FRMD5: variants seen among roughly 807,000 people sequenced by gnomAD.
FRMD5 encodes FERM domain-containing protein 5.
FRMD5 carries 20 observed loss-of-function variants against 69.0 expected under a neutral mutation model. That is an observed-to-expected ratio of 0.29 (90% CI 0.20 to 0.42). The LOEUF (loss-of-function observed/expected upper bound fraction) is 0.42, where lower values mean the gene tolerates loss of function less well. Ranked by LOEUF, FRMD5 falls within the 10% of genes least tolerant of loss-of-function variation. FRMD5 has a pLI of 1.00. For synonymous variants in FRMD5, 271 were observed against 260.1 expected, an observed-to-expected ratio of 1.04 and a Z score of -0.40; for missense variants, 595 against 708.6, an observed-to-expected ratio of 0.84 and a Z score of 1.82.
At position 44,031,794 on chromosome 15, in the gene FRMD5, T is replaced by G. The variant is rs77947931; in HGVS notation, c.103-107485A>C. ...ATCTTATCCTTACATCTGCCTTAAC[T>G]TTAAGATTACTTGAACGTTAGAGAA... On this transcript the variant is annotated intron_variant, in intron 1 of 13. Coordinates refer to ENST00000417257, the MANE Select transcript of FRMD5 (RefSeq NM_032892.5). 2.3e-3 allele frequency among the ~76,000 whole-genome samples: 349 copies of G among 152,298 alleles called. 7 individuals carry two copies. The East Asian group carries it at 0.059, about 26-fold the overall frequency.
chr15:43,906,528 C>T (rs986692995), intron 5 of FRMD5, among the ~76,000 whole-genome samples: 7 of 152,106 alleles, frequency 4.6e-5, no homozygotes, highest in African/African-American at 1.2e-4. Flanking sequence ...CAGGTTCCTT[C>T]GAGAGGCCTA....
At chr15:43,887,584 C>A (rs2088693533) in intron 10 of FRMD5, among the ~76,000 whole-genome samples, 1 of 152,186 alleles carries the variant, frequency 6.6e-6, no homozygotes, top group African/African-American at 2.4e-5. Flanking sequence ...GGGGCTGTGG[C>A]CCTGGCAACT....
At chr15:44,064,255 G>A in intron 1 of FRMD5, 1 of 166,044 alleles carries the variant, frequency 6.0e-6, no homozygotes, top group Non-Finnish European at 1.3e-5. Context: ...GATCTGATCT[G>A]CTATCTAGAG....
intron 13 of FRMD5, among the ~76,000 whole-genome samples, chr15:43,880,297 C>T (rs755693609): frequency 5.9e-5 from 9 of 152,166 alleles, no homozygotes; most frequent in Non-Finnish European, 1.2e-4. Context: ...ATTTAAATGC[C>T]TCTAAATTCC....
At chr15:44,106,669 C>T (rs1321111452) in intron 1 of FRMD5, among the ~76,000 whole-genome samples, 3 of 152,090 alleles carry the variant, frequency 2.0e-5, no homozygotes, top group Admixed American at 6.6e-5. Context: ...TCTGGACTCC[C>T]GTGGTGTGTA....
intron 1 of FRMD5, among the ~76,000 whole-genome samples, chr15:43,974,606 G>A (rs556567020): frequency 2.3e-4 from 35 of 152,130 alleles, no homozygotes; most frequent in Non-Finnish European, 4.4e-4. Context: ...TATCCATTTT[G>A]GTGATTCTGG....
At chr15:43,893,441 G>A (rs1034082580) in intron 7 of FRMD5, among the ~76,000 whole-genome samples, 1 of 152,120 alleles carries the variant, frequency 6.6e-6, no homozygotes, top group South Asian at 2.1e-4. Context: ...CCTCACTTGC[G>A]AAAGTGAGCT....
At chr15:43,960,893 A>C (rs2090188361) in intron 1 of FRMD5, among the ~76,000 whole-genome samples, 1 of 152,216 alleles carries the variant, frequency 6.6e-6, no homozygotes, top group Non-Finnish European at 1.5e-5. Context: ...CTTGTATTTG[A>C]AAAAAACCTA....
At chr15:44,186,388 G>C (rs1189934238) in intron 1 of FRMD5, among the ~76,000 whole-genome samples, 1 of 152,162 alleles carries the variant, frequency 6.6e-6, no homozygotes, top group Non-Finnish European at 1.5e-5. Context: ...CCAGACTACA[G>C]GCCCTTGGGT....
At chr15:44,051,139 C>CTTTTTTTTT (rs779951038) in intron 1 of FRMD5, among the ~76,000 whole-genome samples, 2 of 78,396 alleles carry the variant, frequency 2.6e-5, no homozygotes, top group African/African-American at 1.1e-4. Context: ...CATTCAGTCA[C>CTTTTTTTTT]TTTTTTTTTT....
chr15:44,108,351 T>C, intron 1 of FRMD5, among the ~76,000 whole-genome samples: 1 of 151,600 alleles, frequency 6.6e-6, no homozygotes, highest in South Asian at 2.1e-4. Context: ...AAAATAAAAA[T>C]AAAAAAAATA....
intron 1 of FRMD5, among the ~76,000 whole-genome samples, chr15:43,932,230 G>C (rs1437144291): frequency 1.3e-5 from 2 of 152,180 alleles, no homozygotes; most frequent in African/African-American, 2.4e-5. Context: ...TGCACTCAAG[G>C]AACAGAAGCC....
At chr15:44,124,461 AG>A (rs1183279468) in intron 1 of FRMD5, among the ~76,000 whole-genome samples, 1 of 151,852 alleles carries the variant, frequency 6.6e-6, no homozygotes, top group Non-Finnish European at 1.5e-5. Flanking sequence ...GCACTTTGGG[AG>A]GCCAAGGCAG....
upstream of FRMD5, among the ~76,000 whole-genome samples, chr15:44,198,146 CAAT>C (rs564213987): frequency 2.7e-5 from 4 of 150,934 alleles, no homozygotes; most frequent in African/African-American, 7.3e-5. Flanking sequence ...CCCATAGCTA[CAAT>C]AATAATAATA....
At chr15:44,135,386 TC>T (rs1463297775) in intron 1 of FRMD5, among the ~76,000 whole-genome samples, 1 of 152,216 alleles carries the variant, frequency 6.6e-6, no homozygotes, top group East Asian at 1.9e-4. Context: ...TCCAATTTTT[TC>T]ATATTTCCTT....
chr15:44,126,424 T>A (rs577902151), intron 1 of FRMD5, among the ~76,000 whole-genome samples: 1 of 152,320 alleles, frequency 6.6e-6, no homozygotes, highest in South Asian at 2.1e-4. Context: ...TTTAAAATAA[T>A]CTAAGTTTGT....
intron 1 of FRMD5, among the ~76,000 whole-genome samples, chr15:44,146,938 G>A (rs948429853): frequency 6.6e-6 from 1 of 152,104 alleles, no homozygotes; most frequent in African/African-American, 2.4e-5. Flanking sequence ...TCTGTAGGTT[G>A]CCCATTCACT....
At chr15:44,076,488 T>A (rs1398189987) in intron 1 of FRMD5, among the ~76,000 whole-genome samples, 1 of 149,668 alleles carries the variant, frequency 6.7e-6, no homozygotes, top group Non-Finnish European at 1.5e-5. Context: ...ATGGATGAAA[T>A]TGGAAATCAT....
chr15:43,914,230 T>C (rs2089342495), intron 4 of FRMD5, among the ~76,000 whole-genome samples: 1 of 152,194 alleles, frequency 6.6e-6, no homozygotes, highest in Non-Finnish European at 1.5e-5. Context: ...GGCTGTGAAC[T>C]CTGGAAAGCA....
Sources: gnomAD v4.1 joint callset for allele counts (sites outside exome capture counted in the v4.1 genomes callset) on GRCh38, gnomAD v4.1.1 for gene constraint, MANE v1.5 for transcripts, NCBI Gene and HGNC (gene_info 2026-07-23, HGNC 2026-07-21) for gene names.